The following SLC35F3 variants were observed in gnomAD, a reference collection of about 807,000 sequenced individuals.
SLC35F3 encodes the protein solute carrier family 35 member F3.
SLC35F3 carries 25 observed loss-of-function variants against 49.9 expected under a neutral mutation model. The ratio of observed to expected loss-of-function variants is 0.50; its 90% CI spans 0.37 to 0.70. SLC35F3 has a LOEUF of 0.70. Among genes scored for constraint, SLC35F3 ranks in the 30% least tolerant of loss-of-function variants. The pLI, the probability that SLC35F3 is intolerant of heterozygous loss-of-function variation, is 0.00. For synonymous variants in SLC35F3, 275 were observed against 265.4 expected, an observed-to-expected ratio of 1.04 and a Z score of -0.35; for missense variants, 525 against 639.8, an observed-to-expected ratio of 0.82 and a Z score of 1.94.
intron 3 of SLC35F3, among the ~76,000 whole-genome samples, chr1:234,287,204 T>C (rs944946084): frequency 2.0e-5 from 3 of 151,852 alleles, no homozygotes; most frequent in African/African-American, 7.3e-5. Flanking sequence ...AAAAAATAAA[T>C]AAAAATAAAA....
At chr1:234,033,354 G>T in intron 2 of SLC35F3, among the ~76,000 whole-genome samples, 1 of 152,112 alleles carries the variant, frequency 6.6e-6, no homozygotes, top group East Asian at 1.9e-4. Context: ...GAAGTTTTTA[G>T]TTTAATTAAG....
At chr1:234,054,973 G>A (rs184468563) in intron 2 of SLC35F3, among the ~76,000 whole-genome samples, 61 of 152,264 alleles carry the variant, frequency 4.0e-4, no homozygotes, top group African/African-American at 1.3e-3. Flanking sequence ...ATTGCAGAAC[G>A]GCAAATGTTG....
intron 2 of SLC35F3, among the ~76,000 whole-genome samples, chr1:234,003,014 T>C (rs1364431329): frequency 1.3e-5 from 2 of 150,280 alleles, no homozygotes; most frequent in Non-Finnish European, 3.0e-5. Context: ...TTGATCTTTT[T>C]GTTTTGAGCA....
At chr1:234,281,667 C>T (rs747806226) in intron 3 of SLC35F3, among the ~76,000 whole-genome samples, 2 of 152,184 alleles carry the variant, frequency 1.3e-5, no homozygotes, top group Non-Finnish European at 2.9e-5. Context: ...AAGTAGGCAG[C>T]TCAGTTTTGT....
intron 2 of SLC35F3, among the ~76,000 whole-genome samples, chr1:233,956,365 C>T (rs1662702523): frequency 6.6e-6 from 1 of 152,144 alleles, no homozygotes; most frequent in South Asian, 2.1e-4. Flanking sequence ...TTGTAGGAGG[C>T]AAAGGAGCTG....
In SLC35F3 at chr1:234,324,247, G is replaced by T. The variant is rs988507446; in HGVS notation, c.*1004G>T. The T allele has an allele frequency of 2.6e-5, 4 of 152,176 alleles. No homozygotes were observed. The highest frequency in any genetic ancestry group is 9.7e-5 in the African/African-American group (4 of 41,438). 9.4% of individuals were successfully genotyped at this position (152,176 alleles called of 1,614,324 possible). On this transcript the variant is annotated 3_prime_UTR_variant, in exon 8 of 8. Transcript: ENST00000366618. ...CAGGCTGTTTACTTACACAATTTAG[G>T]TCTGCCAGAAAATTCTATCTGTGAT...
intron 3 of SLC35F3, among the ~76,000 whole-genome samples, chr1:234,288,554 C>T (rs781117291): frequency 4.6e-5 from 7 of 152,186 alleles, no homozygotes; most frequent in South Asian, 2.1e-4. Context: ...CAAAGGATTT[C>T]CCATAAACTG....
intron 2 of SLC35F3, among the ~76,000 whole-genome samples, chr1:233,937,284 C>A (rs1339021313): frequency 6.6e-6 from 1 of 152,110 alleles, no homozygotes; most frequent in Non-Finnish European, 1.5e-5. Context: ...AAAATGATAT[C>A]TTTGATAAAG....
intron 2 of SLC35F3, among the ~76,000 whole-genome samples, chr1:234,227,342 T>C (rs997261590): frequency 1.6e-4 from 24 of 151,778 alleles, no homozygotes; most frequent in Non-Finnish European, 3.1e-4. Flanking sequence ...CAGTAAACAG[T>C]GTGAGACAAA....
intron 2 of SLC35F3, among the ~76,000 whole-genome samples, chr1:234,038,526 G>A (rs992489675): frequency 1.3e-5 from 2 of 152,190 alleles, no homozygotes; most frequent in Non-Finnish European, 2.9e-5. Context: ...CTAGATCCCT[G>A]AGGAATCGCC....
intron 2 of SLC35F3, among the ~76,000 whole-genome samples, chr1:234,078,362 C>G (rs1664827662): frequency 6.6e-6 from 1 of 152,120 alleles, no homozygotes. Context: ...CTACTCATTC[C>G]TCATTCCACT....
chr1:233,921,112 A>G (rs12092418), intron 2 of SLC35F3, among the ~76,000 whole-genome samples: 6,440 of 152,354 alleles, frequency 0.042, 435 homozygotes, highest in African/African-American at 0.14. Context: ...TCAGGATTCA[A>G]AGAAGCAGAA....
chr1:234,249,325 C>A (rs919935281), intron 3 of SLC35F3, among the ~76,000 whole-genome samples: 3 of 152,172 alleles, frequency 2.0e-5, no homozygotes, highest in Non-Finnish European at 4.4e-5. Context: ...CTATCCCATA[C>A]GGAAGCTTCC....
intron 4 of SLC35F3, 90 bp from the exon 5 acceptor site, chr1:234,316,512 C>T: frequency 6.7e-7 from 1 of 1,494,002 alleles, no homozygotes; most frequent in Non-Finnish European, 9.0e-7. Context: ...GTGGCTGAAC[C>T]CCACGCACAT....
At chr1:234,184,111 C>T in intron 2 of SLC35F3, among the ~76,000 whole-genome samples, 1 of 150,822 alleles carries the variant, frequency 6.6e-6, no homozygotes, top group East Asian at 1.9e-4. Context: ...CTAGTTAATT[C>T]TTTACTAGCA....
chr1:234,202,499 C>A (rs1666913523), intron 2 of SLC35F3, among the ~76,000 whole-genome samples: 1 of 152,140 alleles, frequency 6.6e-6, no homozygotes, highest in Non-Finnish European at 1.5e-5. Context: ...TTTGTAAACA[C>A]CATATCTAAA....
intron 2 of SLC35F3, among the ~76,000 whole-genome samples, chr1:234,009,070 C>T (rs909081207): frequency 6.6e-6 from 1 of 152,276 alleles, no homozygotes; most frequent in Admixed American, 6.5e-5. Flanking sequence ...TTGAATGTTG[C>T]TAAATATCAG....
In SLC35F3 at chr1:234,027,458, G is replaced by C. The variant is rs1383508346; in HGVS notation, c.283+121700G>C. On this transcript the variant is annotated intron_variant, in intron 2 of 7. Coordinates refer to ENST00000366618, the MANE Select transcript of SLC35F3 (RefSeq NM_173508.4). This position sits in a 1 kb window ranked among gnomAD's most constrained non-coding sequence, Gnocchi z 4.1. ...ATTAAGTTTCGACTTGAGTTTTGGA[G>C]GGGACACACATTCAAACCACAGCGA... 6.6e-6 allele frequency among the ~76,000 whole-genome samples: 1 copy of C among 152,208 alleles called. No homozygotes were observed. Among genetic ancestry groups the C allele is most frequent in the Admixed American group, 6.5e-5 (1 of 15,282 alleles).
At chr1:234,018,663 A>G (rs1402309803) in intron 2 of SLC35F3, among the ~76,000 whole-genome samples, 1 of 152,158 alleles carries the variant, frequency 6.6e-6, no homozygotes, top group Non-Finnish European at 1.5e-5. Context: ...GCTGAATCCA[A>G]TCAGAGGTGT....
Sources: allele counts gnomAD v4.1 joint callset (sites outside exome capture counted in the v4.1 genomes callset), GRCh38; gene constraint gnomAD v4.1.1; non-coding constraint Gnocchi (gnomAD v3.1); transcripts MANE v1.5; gene names NCBI Gene and HGNC (gene_info 2026-07-23, HGNC 2026-07-21).